MFAP1: variants seen among roughly 807,000 people sequenced by gnomAD.
MFAP1 encodes the protein microfibril associated protein 1.
A neutral mutation model predicts 62.2 loss-of-function variants in MFAP1; 18 were observed. The observed-to-expected ratio is 0.29, with a 90% CI of 0.20 to 0.43. MFAP1 has a LOEUF of 0.43. Among genes scored for constraint, MFAP1 ranks in the 20% least tolerant of loss-of-function variants. The pLI is 1.00. For synonymous variants in MFAP1, 175 were observed against 180.4 expected, an observed-to-expected ratio of 0.97 and a Z score of 0.24; for missense variants, 355 against 559.7, an observed-to-expected ratio of 0.63 and a Z score of 3.69.
chr15:43,817,549 G>A (rs2087441113), intron 1 of MFAP1, 101 bp from the exon 2 acceptor site: 16 of 1,149,782 alleles, frequency 1.4e-5, no homozygotes, highest in Non-Finnish European at 2.0e-5. Flanking sequence ...TAGTAGACAA[G>A]AGTCTAAGCA....
chr15:43,814,561 T>G lies in MFAP1; in HGVS notation c.557A>C (p.Glu186Ala). ...GEESESESEYEEYTDSEDEME... is the reference protein window; with the variant it reads ...GEESESESEYAEYTDSEDEME... ...CTCATCTTCACTGTCTGTGTACTCT[T>G]CATACTCAGACTCTGATTCTGACTC... Residue 186 changes from glutamate to alanine, a missense_variant, in exon 4 of 9, where the codon GAA becomes GCA. Around this residue, in one of 6 missense-constraint regions of MFAP1, gnomAD observed 257 missense variants for 341.3 expected, o/e 0.75. Transcript: ENST00000267812. The G allele has an allele frequency of 6.2e-7, 1 of 1,614,192 alleles. No individual in the cohort carries two copies. The highest frequency in any genetic ancestry group is 8.5e-7 in the Non-Finnish European group (1 of 1,180,018).
chr15:43,819,021 G>A (rs1008588135), intron 1 of MFAP1, among the ~76,000 whole-genome samples: 3 of 152,258 alleles, frequency 2.0e-5, no homozygotes, highest in East Asian at 3.9e-4. Flanking sequence ...GCAAAACTCC[G>A]TCTCTACTAA....
chr15:43,808,554 C>T (rs1462870706), intron 7 of MFAP1, among the ~76,000 whole-genome samples: 1 of 152,244 alleles, frequency 6.6e-6, no homozygotes, highest in East Asian at 1.9e-4. Flanking sequence ...AACTGCTTCT[C>T]TAAGAAACTT....
At chr15:43,820,061 T>C (rs1453475432) in intron 1 of MFAP1, among the ~76,000 whole-genome samples, 1 of 152,142 alleles carries the variant, frequency 6.6e-6, no homozygotes, top group East Asian at 1.9e-4. Flanking sequence ...GGCAGGAGAA[T>C]GGCGTGAACC....
rs1420036479 is a variant in MFAP1 at position 43,809,883 on chromosome 15, T to C, written c.919A>G (p.Met307Val). 6 of 1,614,178 alleles carry C rather than the reference T, an allele frequency of 3.7e-6. No homozygotes were observed. Among genetic ancestry groups the C allele is most frequent in the Non-Finnish European group, 5.1e-6 (6 of 1,180,024 alleles). ...CTCTCTTCCTCAGTCAGGTTTCGCATGCGTTCAATTTCTGCTTTCTCCTTC... is the reference window on the plus strand; with the variant it reads ...CTCTCTTCCTCAGTCAGGTTTCGCACGCGTTCAATTTCTGCTTTCTCCTTC... ...LEKEKAEIER[M>V]RNLTEEERRA... The change falls in exon 7 of 9, where the codon ATG becomes GTG. Residue 307 changes from methionine to valine, a missense_variant. By Grantham distance (21) the Met-to-Val change is conservative. Transcript: ENST00000267812.
Position 43,812,467 on chromosome 15 carries a change from C to A in MFAP1, c.887+520G>T, listed in dbSNP as rs116996086. Among the ~76,000 whole-genome samples the A allele has an allele frequency of 4.6e-3, 705 of 152,256 alleles. 12 individuals are homozygous for A. The highest frequency in any genetic ancestry group is 0.034 in the Admixed American group (526 of 15,290). Reference sequence around the variant, plus strand: ...GCCCTGAGACTGCTATGTAAGGAAGCCAGTCTAATCCAGTGAAGGATAAGT... The same window carrying A: ...GCCCTGAGACTGCTATGTAAGGAAGACAGTCTAATCCAGTGAAGGATAAGT... On this transcript the variant is annotated intron_variant, in intron 6 of 8. Transcript: ENST00000267812.
At chr15:43,816,815 C>A (rs997967728) in intron 2 of MFAP1, among the ~76,000 whole-genome samples, 2 of 152,162 alleles carry the variant, frequency 1.3e-5, no homozygotes, top group African/African-American at 4.8e-5. Flanking sequence ...TTTTCTCCTA[C>A]TTCAGTGTCA....
At chr15:43,823,270 G>A (rs939820635) in intron 1 of MFAP1, among the ~76,000 whole-genome samples, 1 of 152,072 alleles carries the variant, frequency 6.6e-6, no homozygotes, top group Non-Finnish European at 1.5e-5. Flanking sequence ...ACAGGTGTAA[G>A]CCACTGTGCT....
chr15:43,806,631 T>C (rs1435186776), intron 7 of MFAP1, among the ~76,000 whole-genome samples: 1 of 152,154 alleles, frequency 6.6e-6, no homozygotes, highest in Non-Finnish European at 1.5e-5. Context: ...TCCCAGCACT[T>C]TGGGAGGCCA....
In MFAP1 at chr15:43,805,021, A is replaced by G; in HGVS notation, c.*73T>C. 6.8e-7 allele frequency: 1 copy of G among 1,478,154 alleles called. No individual in the cohort carries two copies. Among genetic ancestry groups the G allele is most frequent in the Non-Finnish European group, 9.1e-7 (1 of 1,098,572 alleles). 91.6% of individuals were successfully genotyped at this position (1,478,154 alleles called of 1,614,324 possible). The stretch of plus-strand genomic sequence containing the variant: ...GGATACAGGGGCCAAGGAAACAATG[A>G]AAAAACCAAATCAAGGACCAGATGC... On this transcript the variant is annotated 3_prime_UTR_variant, in exon 9 of 9. Transcript: ENST00000267812.
intron 7 of MFAP1, among the ~76,000 whole-genome samples, chr15:43,806,613 G>A (rs182358413): frequency 3.7e-4 from 56 of 152,306 alleles, no homozygotes; most frequent in African/African-American, 1.3e-3. Context: ...AGTGGCTCAC[G>A]CCCGTAATCC....
rs754185374 is a variant in MFAP1 at position 43,824,615 on chromosome 15, C to T, written c.-46G>A. 4 of 1,585,940 alleles carry T rather than the reference C, an allele frequency of 2.5e-6. 1 individual carries two copies. In the South Asian group the frequency reaches 4.4e-5, roughly 18 times the overall value. ...TTCCCGAAACTTGACTAATTCCAAA[C>T]AGTGAACACCAGCAACGTCAACGAA... On this transcript the variant is annotated 5_prime_UTR_variant, in exon 1 of 9. Coordinates refer to ENST00000267812, the MANE Select transcript of MFAP1 (RefSeq NM_005926.3).
At chr15:43,818,419 C>A (rs2087447909) in intron 1 of MFAP1, among the ~76,000 whole-genome samples, 1 of 150,320 alleles carries the variant, frequency 6.7e-6, no homozygotes, top group African/African-American at 2.5e-5. Flanking sequence ...CAAAGGAAAA[C>A]TTTAGGTGGA....
At chr15:43,815,989 C>T (rs552436934) in intron 2 of MFAP1, among the ~76,000 whole-genome samples, 1 of 152,280 alleles carries the variant, frequency 6.6e-6, no homozygotes, top group South Asian at 2.1e-4. Flanking sequence ...TTAAGTCACA[C>T]TACATTCCTT....
chr15:43,808,496 C>A (rs1407837013), intron 7 of MFAP1, among the ~76,000 whole-genome samples: 1 of 152,206 alleles, frequency 6.6e-6, no homozygotes, highest in Non-Finnish European at 1.5e-5. Flanking sequence ...ACCTGGCCCA[C>A]CAAAGGACTT....
chr15:43,817,466 C>T lies in MFAP1; in HGVS notation c.80-18G>A, dbSNP rs757947930. 9.9e-6 allele frequency: 16 copies of T among 1,613,492 alleles called. No homozygotes were observed. The highest frequency in any genetic ancestry group is 4.5e-5 in the East Asian group (2 of 44,904). On this transcript the variant is annotated intron_variant, in intron 1 of 8. Transcript: ENST00000267812. ...AATCTCACCTGGGCGAGAAAGGTAA[C>T]TTATGTTTCAGTAGCCTCTTTCTCA... is the stretch of plus-strand genomic sequence containing the variant.
chr15:43,819,022 T>A (rs1017245943), intron 1 of MFAP1, among the ~76,000 whole-genome samples: 1 of 152,130 alleles, frequency 6.6e-6, no homozygotes, highest in East Asian at 1.9e-4. Flanking sequence ...CAAAACTCCG[T>A]CTCTACTAAA....
intron 7 of MFAP1, among the ~76,000 whole-genome samples, chr15:43,808,466 T>C (rs2087379295): frequency 2.0e-5 from 3 of 152,324 alleles, no homozygotes; most frequent in East Asian, 1.9e-4. Flanking sequence ...AATGTTAAGA[T>C]TACAGGCATT....
chr15:43,823,516 A>G lies in MFAP1; in HGVS notation c.79+975T>C, dbSNP rs143939741. The stretch of plus-strand genomic sequence containing the variant: ...CTCAGATTCCCAAGTAGCTGGGATT[A>G]CAGGTACCCACCACCATGCATGGCT... On this transcript the variant is annotated intron_variant, in intron 1 of 8. Coordinates refer to ENST00000267812, the MANE Select transcript of MFAP1 (RefSeq NM_005926.3). Among the ~76,000 whole-genome samples the G allele has an allele frequency of 6.5e-4, 99 of 151,982 alleles. 4 individuals are homozygous for G. In the East Asian group the frequency reaches 0.019, roughly 29 times the overall value.
Sources: allele counts gnomAD v4.1 joint callset (sites outside exome capture counted in the v4.1 genomes callset), GRCh38; gene constraint gnomAD v4.1.1; regional missense constraint gnomAD v4.1.1; transcripts MANE v1.5; gene names NCBI Gene and HGNC (gene_info 2026-07-23, HGNC 2026-07-21).